The following HTRA3 variants were observed in gnomAD, a reference collection of about 807,000 sequenced individuals.
The protein encoded by HTRA3 is HtrA serine peptidase 3.
In HTRA3, 41 loss-of-function variants were observed where a neutral mutation model predicts 43.2. The observed-to-expected ratio is 0.95, with a 90% CI of 0.74 to 1.23. The LOEUF (loss-of-function observed/expected upper bound fraction) is 1.23. HTRA3 is among the 50% of genes most tolerant of loss of function. The pLI is 0.00. For missense variants in HTRA3, 628 were observed against 647.1 expected, an observed-to-expected ratio of 0.97 and a Z score of 0.32; for synonymous variants, 295 against 287.9, an observed-to-expected ratio of 1.02 and a Z score of -0.25.
chr4:8,304,557 C>CT (rs746923941), intron 8 of HTRA3, among the ~76,000 whole-genome samples: 1 of 151,264 alleles, frequency 6.6e-6, no homozygotes, highest in Non-Finnish European at 1.5e-5. Flanking sequence ...AAGCCAGACT[C>CT]TTTCACTAGC....
Position 8,286,917 on chromosome 4 carries a change from C to T in HTRA3, c.708+134C>T, listed in dbSNP as rs1380175345. 1 of 673,500 alleles carries T rather than the reference C, an allele frequency of 1.5e-6. No homozygotes were observed. The highest frequency in any genetic ancestry group is 2.6e-6 in the Non-Finnish European group (1 of 391,960). 41.7% of individuals were successfully genotyped at this position (673,500 alleles called of 1,614,324 possible). On this transcript the variant is annotated intron_variant, in intron 3 of 8. Transcript: ENST00000307358. This position sits in a 1 kb window ranked among gnomAD's most constrained non-coding sequence, Gnocchi z 4.9. Reference sequence around the variant, plus strand: ...GGGAGGAAACTGGGCCCAGGGAGGACTGGCAGCTGGCCCAGGGTCACGGCT... The same window carrying T: ...GGGAGGAAACTGGGCCCAGGGAGGATTGGCAGCTGGCCCAGGGTCACGGCT...
At position 8,306,285 on chromosome 4, in the gene HTRA3, GC is replaced by G; in HGVS notation, c.*151del. 1 of 839,670 alleles carries G rather than the reference GC, an allele frequency of 1.2e-6. No homozygotes were observed. The highest frequency in any genetic ancestry group is 1.7e-6 in the Non-Finnish European group (1 of 572,498). The allele number at this position is 839,670 out of a possible 1,614,324, so 52.0% of individuals were successfully genotyped here. ...CGGGGCAGAGCGGAGGCTGGGCTTG[GC>G]CAGGGGCCCGAATTTCCGCCTGGGG... is the stretch of plus-strand genomic sequence containing the variant. On this transcript the variant is annotated 3_prime_UTR_variant, in exon 9 of 9. Coordinates refer to ENST00000307358, the MANE Select transcript of HTRA3 (RefSeq NM_053044.5). This position sits in a 1 kb window ranked among gnomAD's most constrained non-coding sequence, Gnocchi z 8.9.
intron 1 of HTRA3, among the ~76,000 whole-genome samples, chr4:8,280,283 C>G (rs1445060603): frequency 6.6e-6 from 1 of 152,162 alleles, no homozygotes; most frequent in African/African-American, 2.4e-5. Flanking sequence ...AGGGGAGCAG[C>G]AGACCGGCTG....
intron 1 of HTRA3, among the ~76,000 whole-genome samples, chr4:8,271,035 C>T (rs900724865): frequency 1.3e-5 from 2 of 152,112 alleles, no homozygotes; most frequent in Non-Finnish European, 2.9e-5. Flanking sequence ...CTGCTGTGGC[C>T]GGACAGGGGT....
chr4:8,295,041 C>G lies in HTRA3; in HGVS notation c.1051+840C>G, dbSNP rs1294502347. On this transcript the variant is annotated intron_variant, in intron 6 of 8. Transcript: ENST00000307358. The surrounding 1 kb of genome is among the most constrained non-coding windows in gnomAD (Gnocchi z 6.9). The stretch of plus-strand genomic sequence containing the variant: ...ATCCACCCACCTATCCACCCATTCA[C>G]CCACCTGGCCACCATTTCTTCCTTC... Among the ~76,000 whole-genome samples the G allele has an allele frequency of 6.6e-6, 1 of 151,896 alleles. No homozygotes were observed. Among genetic ancestry groups the G allele is most frequent in the Non-Finnish European group, 1.5e-5 (1 of 67,964 alleles).
rs1177272458 is a variant in HTRA3, at chr4:8,306,037, G to A, written c.1263G>A (p.Glu421=). 6.2e-7 allele frequency: 1 copy of A among 1,612,968 alleles called. No homozygotes were observed. Among genetic ancestry groups the A allele is most frequent in the Admixed American group, 1.7e-5 (1 of 59,894 alleles). Reference sequence around the variant, plus strand: ...GGCGTCCTCTAGTGGACTCGAGTGAGCTGCAGGAGGCCGTGCTGACCGAGT... The same window carrying A: ...GGCGTCCTCTAGTGGACTCGAGTGAACTGCAGGAGGCCGTGCTGACCGAGT... ...VNGRPLVDSS[E]LQEAVLTESP... is the part of the protein sequence containing the mutation. The change falls in exon 9 of 9, where the codon GAG becomes GAA. Residue 421 remains glutamate (E), a synonymous_variant. Transcript: ENST00000307358. The surrounding 1 kb of genome is among the most constrained non-coding windows in gnomAD (Gnocchi z 8.9).
chr4:8,302,006 G>A (rs767028358), intron 6 of HTRA3, among the ~76,000 whole-genome samples: 11 of 152,222 alleles, frequency 7.2e-5, no homozygotes, highest in Non-Finnish European at 1.0e-4. Context: ...CCCAGCCACA[G>A]GGCCTGGCAC....
chr4:8,278,483 TG>T, intron 1 of HTRA3, among the ~76,000 whole-genome samples: 1 of 151,828 alleles, frequency 6.6e-6, no homozygotes, highest in Non-Finnish European at 1.5e-5. Flanking sequence ...GGGTGGAGGT[TG>T]TCAAAAACCC....
intron 6 of HTRA3, 40 bp downstream of exon 6, chr4:8,294,241 C>A: frequency 1.4e-6 from 2 of 1,439,172 alleles, no homozygotes; most frequent in Non-Finnish European, 1.9e-6. Context: ...GCAGGGGGCA[C>A]TCTCCCAGGG....
chr4:8,302,528 T>C lies in HTRA3; in HGVS notation c.1100+17T>C. On this transcript the variant is annotated intron_variant, in intron 7 of 8. Coordinates refer to ENST00000307358, the MANE Select transcript of HTRA3 (RefSeq NM_053044.5). ...CACACCAAGGTGAGTGTCTGAAGAG[T>C]GCCATCCCCTGCTACCCCTTCCTCT... 1 of 1,611,842 alleles carries C rather than the reference T, an allele frequency of 6.2e-7. No individual in the cohort carries two copies. The highest frequency in any genetic ancestry group is 8.5e-7 in the Non-Finnish European group (1 of 1,178,392).
intron 1 of HTRA3, among the ~76,000 whole-genome samples, chr4:8,276,502 C>T (rs567404935): frequency 3.5e-4 from 54 of 152,334 alleles, no homozygotes; most frequent in East Asian, 1.5e-3. Context: ...CTGGCCCTGC[C>T]GGAGGGAGTT....
At position 8,295,434 on chromosome 4, in the gene HTRA3, C is replaced by T. The variant is rs754122923; in HGVS notation, c.1051+1233C>T. On this transcript the variant is annotated intron_variant, in intron 6 of 8. Coordinates refer to ENST00000307358, the MANE Select transcript of HTRA3 (RefSeq NM_053044.5). This position sits in a 1 kb window ranked among gnomAD's most constrained non-coding sequence, Gnocchi z 6.9. ...GCCATGAGCACCCATCTGGGAGAGG[C>T]CTCGCCAGGGCACTAGGCAACTCTC... Among the ~76,000 whole-genome samples, 20 of 152,104 alleles carry T rather than the reference C, an allele frequency of 1.3e-4. No homozygotes were observed. Among genetic ancestry groups the T allele is most frequent in the Non-Finnish European group, 2.6e-4 (18 of 68,018 alleles).
At position 8,279,016 on chromosome 4, in the gene HTRA3, T is replaced by C. The variant is rs536881265; in HGVS notation, c.386-3421T>C. 1.4e-3 allele frequency among the ~76,000 whole-genome samples: 208 copies of C among 147,122 alleles called. 1 individual carries two copies. The highest frequency in any genetic ancestry group is 5.0e-3 in the African/African-American group (203 of 40,606). On this transcript the variant is annotated intron_variant, in intron 1 of 8. Coordinates refer to ENST00000307358, the MANE Select transcript of HTRA3 (RefSeq NM_053044.5). This position sits in a 1 kb window ranked among gnomAD's most constrained non-coding sequence, Gnocchi z 7.4. ...TCTCTCCGCCCCTCCTCCCCCTCCA[T>C]CCCTTCCCTCTGAAATGTCTCAGCG...
Position 8,281,393 on chromosome 4 carries a change from C to G in HTRA3, c.386-1044C>G, listed in dbSNP as rs148334878. On this transcript the variant is annotated intron_variant, in intron 1 of 8. Transcript: ENST00000307358. ...AGGTGGCTGGGTGGGTGGGTAGCCC[C>G]CCGGGCAGGGACTCGAAGTTTGCAG... Among the ~76,000 whole-genome samples the G allele has an allele frequency of 4.5e-3, 689 of 152,318 alleles. 11 individuals are homozygous for G. The highest frequency in any genetic ancestry group is 0.016 in the African/African-American group (661 of 41,564).
chr4:8,296,990 A>C lies in HTRA3; in HGVS notation c.1051+2789A>C, dbSNP rs1380925337. 1.3e-5 allele frequency among the ~76,000 whole-genome samples: 2 copies of C among 151,768 alleles called. No individual in the cohort carries two copies. The highest frequency in any genetic ancestry group is 4.8e-5 in the African/African-American group (2 of 41,290). The stretch of plus-strand genomic sequence containing the variant: ...GTCACAGGGTCCTGTGGTCTCAAAA[A>C]CCGTAAGTTTCCCTGGTCTCAGAGT... On this transcript the variant is annotated intron_variant, in intron 6 of 8. Transcript: ENST00000307358. This position sits in a 1 kb window ranked among gnomAD's most constrained non-coding sequence, Gnocchi z 5.3.
intron 2 of HTRA3, among the ~76,000 whole-genome samples, chr4:8,283,922 TGTCTG>T (rs1488515040): frequency 6.6e-6 from 1 of 152,170 alleles, no homozygotes; most frequent in East Asian, 1.9e-4. Context: ...GCTCGGCGCT[TGTCTG>T]GTCCAAGCCC....
At chr4:8,292,881 C>G (rs1291298849) in intron 5 of HTRA3, among the ~76,000 whole-genome samples, 1 of 152,158 alleles carries the variant, frequency 6.6e-6, no homozygotes, top group African/African-American at 2.4e-5. Flanking sequence ...TGAACAAGCC[C>G]AAGCACCATG....
intron 2 of HTRA3, among the ~76,000 whole-genome samples, chr4:8,285,878 C>A (rs1403694811): frequency 6.6e-6 from 1 of 152,230 alleles, no homozygotes; most frequent in East Asian, 1.9e-4. Flanking sequence ...ACATTTGGGG[C>A]TTTAGGCAGC....
chr4:8,276,355 C>T (rs958125598), intron 1 of HTRA3, among the ~76,000 whole-genome samples: 4 of 152,200 alleles, frequency 2.6e-5, no homozygotes, highest in South Asian at 2.1e-4. Flanking sequence ...TGCACGGTGC[C>T]GGGCTCATAG....
Sources: gnomAD v4.1 joint callset for allele counts (sites outside exome capture counted in the v4.1 genomes callset) on GRCh38, gnomAD v4.1.1 for gene constraint, Gnocchi (gnomAD v3.1) non-coding constraint, MANE v1.5 for transcripts, NCBI Gene and HGNC (gene_info 2026-07-23, HGNC 2026-07-21) for gene names.